Variants in NRG1 observed in about 807,000 individuals in gnomAD.
NRG1 encodes pro-neuregulin-1, membrane-bound isoform.
A neutral mutation model predicts 63.8 loss-of-function variants in NRG1; 18 were observed. The ratio of observed to expected loss-of-function variants is 0.28; its 90% CI spans 0.19 to 0.42. NRG1 has a LOEUF of 0.42. Among genes scored for constraint, NRG1 ranks in the 10% least tolerant of loss-of-function variants. NRG1 has a pLI of 1.00. For missense variants in NRG1, 762 were observed against 814.7 expected, an observed-to-expected ratio of 0.94 and a Z score of 0.79; for synonymous variants, 302 against 301.3, an observed-to-expected ratio of 1.00 and a Z score of -0.02.
At chr8:32,576,350 A>T (rs993002432) in intron 1 of NRG1, among the ~76,000 whole-genome samples, 2 of 152,138 alleles carry the variant, frequency 1.3e-5, no homozygotes, top group Non-Finnish European at 2.9e-5. Flanking sequence ...TTAAAAAATA[A>T]TTTTTAAACC....
At chr8:32,161,764 T>C (rs961731202) in intron 1 of NRG1, among the ~76,000 whole-genome samples, 1 of 152,212 alleles carries the variant, frequency 6.6e-6, no homozygotes, top group Admixed American at 6.5e-5. Flanking sequence ...CAGAGGAAGA[T>C]GGCTCCTCCA....
intron 5 of NRG1, among the ~76,000 whole-genome samples, chr8:32,677,783 G>C (rs868217456): frequency 6.6e-6 from 1 of 152,136 alleles, no homozygotes; most frequent in Non-Finnish European, 1.5e-5. Context: ...TCAGACCACA[G>C]AACTAAAAGC....
intron 1 of NRG1, among the ~76,000 whole-genome samples, chr8:31,938,240 C>G (rs1229434140): frequency 6.6e-6 from 1 of 152,158 alleles, no homozygotes; most frequent in African/African-American, 2.4e-5. Context: ...TAGGACTCTG[C>G]AGATATTCCC....
At chr8:31,808,010 T>C (rs1397121636) in intron 1 of NRG1, among the ~76,000 whole-genome samples, 3 of 151,956 alleles carry the variant, frequency 2.0e-5, no homozygotes, top group African/African-American at 7.2e-5. Flanking sequence ...TTGATGAACA[T>C]TTAGTTTTTT....
At chr8:32,157,365 A>AC in intron 1 of NRG1, among the ~76,000 whole-genome samples, 1 of 148,744 alleles carries the variant, frequency 6.7e-6, no homozygotes, top group Admixed American at 6.7e-5. Context: ...TCTCAAAAAA[A>AC]AAAAAAAAAA....
At chr8:32,749,822 C>T (rs1828319601) in intron 7 of NRG1, 1 of 560,424 alleles carries the variant, frequency 1.8e-6, no homozygotes, top group South Asian at 2.2e-5. Flanking sequence ...TTAAAAGTAC[C>T]CTACCTGCTG....
chr8:31,936,701 G>A (rs568403185), intron 1 of NRG1, among the ~76,000 whole-genome samples: 23 of 152,330 alleles, frequency 1.5e-4, no homozygotes, highest in African/African-American at 5.5e-4. Flanking sequence ...TTTAGGATTA[G>A]ACTAGTCATC....
chr8:32,550,723 A>G (rs1309810194), intron 1 of NRG1, among the ~76,000 whole-genome samples: 1 of 152,216 alleles, frequency 6.6e-6, no homozygotes, highest in Non-Finnish European at 1.5e-5. Flanking sequence ...CTCTTGACAC[A>G]GAGCACCAGA....
chr8:31,856,677 A>C (rs565856761), intron 1 of NRG1, among the ~76,000 whole-genome samples: 1 of 152,122 alleles, frequency 6.6e-6, no homozygotes, highest in East Asian at 1.9e-4. Flanking sequence ...CCTTTGGAGG[A>C]GGAGAGTCGC....
At chr8:31,722,885 C>T (rs1813062652) in intron 1 of NRG1, among the ~76,000 whole-genome samples, 1 of 152,076 alleles carries the variant, frequency 6.6e-6, no homozygotes, top group African/African-American at 2.4e-5. Context: ...GCTAAGCCCT[C>T]TGTAGGGTGA....
At chr8:32,634,314 T>G (rs2129544672) in intron 5 of NRG1, among the ~76,000 whole-genome samples, 1 of 152,222 alleles carries the variant, frequency 6.6e-6, no homozygotes, top group East Asian at 1.9e-4. Flanking sequence ...TGATTAAAAC[T>G]CTTAAAAAAA....
intron 5 of NRG1, among the ~76,000 whole-genome samples, chr8:32,695,761 T>C (rs1489518294): frequency 6.6e-5 from 10 of 152,218 alleles, no homozygotes. Flanking sequence ...AAGTGCCATC[T>C]ATTAAAAATC....
chr8:31,884,456 GCTCCTCCTATTTCAAGATTCAA>G (rs1213093126), intron 1 of NRG1, among the ~76,000 whole-genome samples: 2 of 152,030 alleles, frequency 1.3e-5, no homozygotes, highest in African/African-American at 4.8e-5. Flanking sequence ...CAGAGTAATG[GCTCCTCCTATTTCAAGATTCAA>G]CTCAAGCATC....
chr8:32,069,230 C>A (rs1459092395), intron 1 of NRG1, among the ~76,000 whole-genome samples: 1 of 152,012 alleles, frequency 6.6e-6, no homozygotes, highest in Non-Finnish European at 1.5e-5. Context: ...TCCCCTACAG[C>A]AAGACAAAGA....
intron 1 of NRG1, among the ~76,000 whole-genome samples, chr8:32,204,067 G>A (rs1843768578): frequency 6.6e-6 from 1 of 152,214 alleles, no homozygotes; most frequent in Non-Finnish European, 1.5e-5. Context: ...CTACATAGAA[G>A]ATCATGCCAA....
chr8:31,829,954 C>G (rs1824947966), intron 1 of NRG1, among the ~76,000 whole-genome samples: 1 of 152,226 alleles, frequency 6.6e-6, no homozygotes, highest in Non-Finnish European at 1.5e-5. Context: ...ACACCACTTT[C>G]TCACTAGGCT....
chr8:32,581,629 A>G lies in NRG1; in HGVS notation c.101-14199A>G, dbSNP rs535760335. Among the ~76,000 whole-genome samples the G allele has an allele frequency of 5.3e-5, 8 of 152,346 alleles. No homozygotes were observed. The East Asian group carries it at 9.6e-4, about 18-fold the overall frequency. ...AATACCTTATATTAAATGGAATAAT[A>G]ATGGTTTTATAGAAACATGGAAGAG... On this transcript the variant is annotated intron_variant, in intron 1 of 11. Transcript: ENST00000356819.
At chr8:31,702,837 G>A (rs1232343914) in intron 1 of NRG1, among the ~76,000 whole-genome samples, 1 of 151,928 alleles carries the variant, frequency 6.6e-6, no homozygotes, top group Non-Finnish European at 1.5e-5. Flanking sequence ...AAGTTTTGAT[G>A]ATTTCCTCCA....
intron 1 of NRG1, among the ~76,000 whole-genome samples, chr8:31,777,407 G>A (rs1263235467): frequency 2.6e-5 from 4 of 152,222 alleles, no homozygotes; most frequent in African/African-American, 9.6e-5. Flanking sequence ...GGACCAGAGA[G>A]TAGGCATCCA....
Sources: gnomAD v4.1 joint callset for allele counts (sites outside exome capture counted in the v4.1 genomes callset) on GRCh38, gnomAD v4.1.1 for gene constraint, MANE v1.5 for transcripts, NCBI Gene and HGNC (gene_info 2026-07-23, HGNC 2026-07-21) for gene names.